ENTREP2: variants seen among roughly 807,000 people sequenced by gnomAD.
ENTREP2 encodes the protein protein ENTREP2.
the ENTREP2 span, among the ~76,000 whole-genome samples, chr15:29,504,797 T>G: frequency 6.6e-6 from 1 of 152,202 alleles, no homozygotes; most frequent in Non-Finnish European, 1.5e-5. Context: ...TAATAATGCA[T>G]TCATAACATT....
chr15:29,574,751 T>C, the ENTREP2 span, among the ~76,000 whole-genome samples: 27 of 152,288 alleles, frequency 1.8e-4, no homozygotes, highest in African/African-American at 6.3e-4. Flanking sequence ...GACCTGTACC[T>C]GTCCATACAT....
At chr15:29,130,187 G>A in the ENTREP2 span, among the ~76,000 whole-genome samples, 1 of 152,170 alleles carries the variant, frequency 6.6e-6, no homozygotes, top group Non-Finnish European at 1.5e-5. Context: ...ACAAAGAGAA[G>A]ACGGAGAGCT....
chr15:29,593,436 C>T, the ENTREP2 span, among the ~76,000 whole-genome samples: 7 of 152,152 alleles, frequency 4.6e-5, no homozygotes, highest in African/African-American at 1.7e-4. Flanking sequence ...CAGTGACAGC[C>T]TCTTGACTCC....
the ENTREP2 span, among the ~76,000 whole-genome samples, chr15:29,231,893 TC>T: frequency 3.5e-5 from 5 of 143,140 alleles, no homozygotes; most frequent in African/African-American, 1.3e-4. Context: ...TTCTTTTCTT[TC>T]TTTTTTTTTT....
chr15:29,147,395 T>C, the ENTREP2 span, among the ~76,000 whole-genome samples: 1 of 152,002 alleles, frequency 6.6e-6, no homozygotes, highest in East Asian at 1.9e-4. Flanking sequence ...ATCATAAGTG[T>C]TGGCGTGGAT....
At chr15:29,625,583 A>G in the ENTREP2 span, among the ~76,000 whole-genome samples, 1 of 151,968 alleles carries the variant, frequency 6.6e-6, no homozygotes. Context: ...TTTAGTGGAG[A>G]CAGGGTTTCA....
the ENTREP2 span, among the ~76,000 whole-genome samples, chr15:29,646,428 T>C: frequency 6.6e-6 from 1 of 152,166 alleles, no homozygotes; most frequent in African/African-American, 2.4e-5. Context: ...TCCTTTCTGG[T>C]TGTCAGCTAG....
At chr15:29,315,340 A>C in the ENTREP2 span, among the ~76,000 whole-genome samples, 40,541 of 152,122 alleles carry the variant, frequency 0.27, 5,750 homozygotes, top group Non-Finnish European at 0.31. Flanking sequence ...AAATGTATTT[A>C]AAGCCCCCCT....
chr15:29,513,866 G>A, the ENTREP2 span, among the ~76,000 whole-genome samples: 1 of 152,154 alleles, frequency 6.6e-6, no homozygotes, highest in South Asian at 2.1e-4. Flanking sequence ...TTTATAAAGT[G>A]CCTCATCAAT....
At chr15:29,550,315 G>C in the ENTREP2 span, among the ~76,000 whole-genome samples, 2 of 152,114 alleles carry the variant, frequency 1.3e-5, no homozygotes, top group Admixed American at 1.3e-4. Flanking sequence ...TATTAAAACA[G>C]AGTTGATCAC....
the ENTREP2 span, among the ~76,000 whole-genome samples, chr15:29,615,861 C>T: frequency 2.0e-5 from 3 of 152,168 alleles, no homozygotes; most frequent in South Asian, 2.1e-4. Flanking sequence ...CTTCCCTACC[C>T]GGCAGGGATG....
the ENTREP2 span, among the ~76,000 whole-genome samples, chr15:29,297,578 A>G: frequency 0.15 from 22,857 of 152,196 alleles, 2,300 homozygotes; most frequent in African/African-American, 0.28. Flanking sequence ...TCCAGGCATC[A>G]CACATTAAAA....
At chr15:29,136,909 C>A in the ENTREP2 span, 1 of 860,396 alleles carries the variant, frequency 1.2e-6, no homozygotes, top group Non-Finnish European at 1.7e-6. Flanking sequence ...GTCTAAGACC[C>A]TCTCCTTCCA....
chr15:29,510,991 G>A, the ENTREP2 span, among the ~76,000 whole-genome samples: 1 of 152,050 alleles, frequency 6.6e-6, no homozygotes, highest in Admixed American at 6.6e-5. Context: ...GGTGAACAAT[G>A]AGAACATATG....
At chr15:29,136,408 G>A in the ENTREP2 span, 6 of 1,535,996 alleles carry the variant, frequency 3.9e-6, no homozygotes, top group Admixed American at 2.1e-5. Flanking sequence ...CGTACGGAGG[G>A]GGGAGCTCAG....
At chr15:29,195,029 AGACCTCAGGCACT>A in the ENTREP2 span, 1 of 779,204 alleles carries the variant, frequency 1.3e-6, no homozygotes, top group Non-Finnish European at 1.6e-6. Flanking sequence ...AGGCCACAGC[AGACCTCAGGCACT>A]GACCCAGGCA....
chr15:29,144,480 G>A, the ENTREP2 span, among the ~76,000 whole-genome samples: 1 of 152,190 alleles, frequency 6.6e-6, no homozygotes, highest in Non-Finnish European at 1.5e-5. Context: ...TATCATCCAA[G>A]CACTTGGGGA....
the ENTREP2 span, among the ~76,000 whole-genome samples, chr15:29,142,956 T>C: frequency 6.6e-6 from 1 of 152,228 alleles, no homozygotes; most frequent in African/African-American, 2.4e-5. Context: ...ATCATCAGAA[T>C]GTCTTTTGCC....
At chr15:29,670,658 A>G in the ENTREP2 span, among the ~76,000 whole-genome samples, 1 of 152,248 alleles carries the variant, frequency 6.6e-6, no homozygotes, top group South Asian at 2.1e-4. Context: ...AAGAAAATGA[A>G]AACAAAAATT....
Sources: gnomAD v4.1 joint callset for allele counts (sites outside exome capture counted in the v4.1 genomes callset) on GRCh38, gnomAD v4.1.1 for gene constraint, MANE v1.5 for transcripts, NCBI Gene and HGNC (gene_info 2026-07-23, HGNC 2026-07-21) for gene names.